The following ATG7 variants were observed in gnomAD, a reference collection of about 807,000 sequenced individuals.
ATG7 encodes the protein ubiquitin-like modifier-activating enzyme ATG7.
In ATG7, 70 loss-of-function variants were observed where a neutral mutation model predicts 82.4. The observed-to-expected ratio is 0.85, with a 90% CI of 0.70 to 1.04. The LOEUF is 1.04. Ranked by LOEUF, ATG7 falls within the 50% of genes least tolerant of loss-of-function variation. ATG7 has a pLI of 0.00. For missense variants in ATG7, 792 were observed against 864.3 expected, an observed-to-expected ratio of 0.92 and a Z score of 1.05; for synonymous variants, 287 against 313.0, an observed-to-expected ratio of 0.92 and a Z score of 0.88.
intron 1 of ATG7, among the ~76,000 whole-genome samples, chr3:11,276,597 C>A (rs1225324440): frequency 6.6e-6 from 1 of 152,220 alleles, no homozygotes; most frequent in Non-Finnish European, 1.5e-5. Context: ...AGTCATCAGA[C>A]CTCGACATTG....
At chr3:11,475,868 G>GACACACACACATACACACAC (rs1553687235) in intron 20 of ATG7, among the ~76,000 whole-genome samples, 1 of 111,128 alleles carries the variant, frequency 9.0e-6, no homozygotes, top group Non-Finnish European at 1.8e-5. Flanking sequence ...CTGTCTCTGA[G>GACACACACACATACACACAC]ACACACACAC....
the ATG7 span, among the ~76,000 whole-genome samples, chr3:11,569,459 G>A: frequency 2.0e-5 from 3 of 152,202 alleles, no homozygotes; most frequent in South Asian, 2.1e-4. Flanking sequence ...ATCCTGAGGC[G>A]GCAAAGCAGC....
At chr3:11,306,461 A>G (rs975371704) in intron 5 of ATG7, among the ~76,000 whole-genome samples, 1 of 152,216 alleles carries the variant, frequency 6.6e-6, no homozygotes, top group African/African-American at 2.4e-5. Context: ...AGGACCTTGA[A>G]GCCTGGGAGG....
intron 20 of ATG7, among the ~76,000 whole-genome samples, chr3:11,477,978 C>T (rs147296303): frequency 0.011 from 1,650 of 152,224 alleles, 14 homozygotes; most frequent in Middle Eastern, 0.041. Context: ...AAGTCAGTCT[C>T]GGGAAAGGAT....
At chr3:11,534,262 C>T (rs531937838) in intron 20 of ATG7, among the ~76,000 whole-genome samples, 3 of 152,360 alleles carry the variant, frequency 2.0e-5, no homozygotes, top group East Asian at 1.9e-4. Flanking sequence ...GCCCTTCTGC[C>T]GCAAGCTGGA....
intron 20 of ATG7, among the ~76,000 whole-genome samples, chr3:11,550,305 T>C (rs1272660399): frequency 1.3e-5 from 2 of 152,204 alleles, no homozygotes; most frequent in Non-Finnish European, 2.9e-5. Flanking sequence ...CATCTTTTTT[T>C]TTCTGTTTAA....
the ATG7 span, chr3:11,564,659 G>T: frequency 1.2e-6 from 1 of 840,600 alleles, no homozygotes; most frequent in Non-Finnish European, 1.7e-6. Flanking sequence ...GGCGAAGGGT[G>T]GCATCCCTCA....
intron 20 of ATG7, among the ~76,000 whole-genome samples, chr3:11,479,000 ACACACACACACACACACACACAC>A (rs2088601835): frequency 6.7e-6 from 1 of 150,350 alleles, no homozygotes; most frequent in African/African-American, 2.5e-5. Context: ...ACACACACAC[ACACACACACACACACACACACAC>A]ACACACACAC....
At chr3:11,327,556 C>G (rs1951052078) in intron 9 of ATG7, among the ~76,000 whole-genome samples, 1 of 152,216 alleles carries the variant, frequency 6.6e-6, no homozygotes, top group African/African-American at 2.4e-5. Flanking sequence ...CAGGTGGTCT[C>G]TGCTGGACCA....
intron 9 of ATG7, among the ~76,000 whole-genome samples, chr3:11,330,670 T>C (rs1396536955): frequency 6.6e-6 from 1 of 152,178 alleles, no homozygotes; most frequent in East Asian, 1.9e-4. Context: ...TGGGTGCTCA[T>C]TGTCTTTGAA....
intron 20 of ATG7, among the ~76,000 whole-genome samples, chr3:11,503,299 A>G (rs1029480882): frequency 1.3e-5 from 2 of 152,234 alleles, no homozygotes; most frequent in Non-Finnish European, 2.9e-5. Context: ...AGACTAGACT[A>G]AATTTGAAGG....
At chr3:11,409,564 C>G (rs1223731189) in intron 19 of ATG7, among the ~76,000 whole-genome samples, 1 of 151,958 alleles carries the variant, frequency 6.6e-6, no homozygotes, top group Non-Finnish European at 1.5e-5. Flanking sequence ...TGGTGTATAC[C>G]CCCATCATAA....
At chr3:11,473,678 A>G (rs778235728) in intron 20 of ATG7, among the ~76,000 whole-genome samples, 1 of 152,214 alleles carries the variant, frequency 6.6e-6, no homozygotes, top group Non-Finnish European at 1.5e-5. Flanking sequence ...GTGCTGTGTG[A>G]TATCATCTAT....
chr3:11,353,421 C>T (rs569672924), intron 14 of ATG7, among the ~76,000 whole-genome samples: 5 of 151,980 alleles, frequency 3.3e-5, no homozygotes, highest in Admixed American at 6.6e-5. Context: ...TCCAGCCTGG[C>T]GACAGAGTGA....
chr3:11,517,914 T>C (rs753607864), intron 20 of ATG7, among the ~76,000 whole-genome samples: 4 of 152,244 alleles, frequency 2.6e-5, no homozygotes, highest in Non-Finnish European at 5.9e-5. Context: ...ATCAGATTCC[T>C]ACTTCAGAAA....
intron 20 of ATG7, among the ~76,000 whole-genome samples, chr3:11,544,789 A>G (rs1190641519): frequency 6.6e-6 from 1 of 152,244 alleles, no homozygotes; most frequent in Non-Finnish European, 1.5e-5. Context: ...TATCCAGAAC[A>G]GATGGTTCTG....
chr3:11,366,357 A>T (rs956781551), intron 18 of ATG7, among the ~76,000 whole-genome samples: 5 of 152,094 alleles, frequency 3.3e-5, no homozygotes, highest in Non-Finnish European at 7.4e-5. Flanking sequence ...ACAAAACACT[A>T]TGAAAATGTG....
intron 20 of ATG7, among the ~76,000 whole-genome samples, chr3:11,515,253 A>C (rs910905840): frequency 6.6e-6 from 1 of 152,070 alleles, no homozygotes; most frequent in African/African-American, 2.4e-5. Flanking sequence ...TCATGTCTCA[A>C]CTGAGAGGTG....
intron 20 of ATG7, among the ~76,000 whole-genome samples, chr3:11,527,370 A>AT (rs1006575677): frequency 6.6e-6 from 1 of 152,086 alleles, no homozygotes; most frequent in Non-Finnish European, 1.5e-5. Flanking sequence ...AAGTGCTGGG[A>AT]TTACAGGCAT....
Sources: gnomAD v4.1 joint callset for allele counts (sites outside exome capture counted in the v4.1 genomes callset) on GRCh38, gnomAD v4.1.1 for gene constraint, MANE v1.5 for transcripts, NCBI Gene and HGNC (gene_info 2026-07-23, HGNC 2026-07-21) for gene names.